SH3GL2: variants seen among roughly 807,000 people sequenced by gnomAD.
The protein encoded by SH3GL2 is endophilin-A1.
In SH3GL2, 24 loss-of-function variants were observed where a neutral mutation model predicts 46.0. That is an observed-to-expected ratio of 0.52 (90% CI 0.38 to 0.73). The LOEUF (loss-of-function observed/expected upper bound fraction) is 0.73, where lower values mean the gene tolerates loss of function less well. Ranked by LOEUF, SH3GL2 falls within the 30% of genes least tolerant of loss-of-function variation. The pLI is 0.00. For missense variants in SH3GL2, 413 were observed against 424.2 expected (o/e 0.97, Z 0.23); for synonymous variants, 196 against 147.1 (o/e 1.33, Z -2.40).
At chr9:17,639,823 A>T (rs1391533162) in intron 1 of SH3GL2, among the ~76,000 whole-genome samples, 1 of 152,262 alleles carries the variant, frequency 6.6e-6, no homozygotes, top group Non-Finnish European at 1.5e-5. Flanking sequence ...ATGAAAAGAC[A>T]TGTTGAATCT....
chr9:17,600,838 A>G (rs1189255329), intron 1 of SH3GL2, among the ~76,000 whole-genome samples: 3 of 152,190 alleles, frequency 2.0e-5, no homozygotes, highest in Admixed American at 2.0e-4. Flanking sequence ...GACAGAGCAG[A>G]GGGGAGAAAG....
At chr9:17,674,563 A>T (rs990093646) in intron 1 of SH3GL2, among the ~76,000 whole-genome samples, 1 of 152,028 alleles carries the variant, frequency 6.6e-6, no homozygotes. Flanking sequence ...TGCCCAAAGC[A>T]ATGAACATGT....
chr9:17,744,452 A>C (rs757091515), intron 1 of SH3GL2, among the ~76,000 whole-genome samples: 2 of 151,792 alleles, frequency 1.3e-5, no homozygotes, highest in African/African-American at 4.8e-5. Context: ...TGTGGCCTCA[A>C]CCTCCTGAGC....
At position 17,754,610 on chromosome 9, in the gene SH3GL2, T is replaced by G. The variant is rs1426441171; in HGVS notation, c.115-6827T>G. ...ATGGCTTGAACCCAGGAGGTGGAGC[T>G]TGCAGTGAGCCGAGATCACGCCACT... On this transcript the variant is annotated intron_variant, in intron 2 of 8. Transcript: ENST00000380607. Among the ~76,000 whole-genome samples, 11 of 152,164 alleles carry G rather than the reference T, an allele frequency of 7.2e-5. No individual in the cohort carries two copies. In the East Asian group the frequency reaches 1.7e-3, roughly 24 times the overall value.
At chr9:17,692,286 T>G (rs2118138462) in intron 1 of SH3GL2, among the ~76,000 whole-genome samples, 1 of 152,050 alleles carries the variant, frequency 6.6e-6, no homozygotes, top group Admixed American at 6.5e-5. Context: ...TTTGCTTTTT[T>G]TTTTTTGCCT....
At position 17,736,178 on chromosome 9, in the gene SH3GL2, G is replaced by A. The variant is rs534927853; in HGVS notation, c.46-10888G>A. On this transcript the variant is annotated intron_variant, in intron 1 of 8. Transcript: ENST00000380607. ...CCAAGATTATAAATGAAATGTGTTT[G>A]TGTGTTTATATGTGTGTGTATGTAT... Among the ~76,000 whole-genome samples, 26 of 152,188 alleles carry A rather than the reference G, an allele frequency of 1.7e-4. No homozygotes were observed. The South Asian group carries it at 5.0e-3, about 29-fold the overall frequency.
At chr9:17,720,809 A>T (rs1236275937) in intron 1 of SH3GL2, among the ~76,000 whole-genome samples, 1 of 152,178 alleles carries the variant, frequency 6.6e-6, no homozygotes, top group East Asian at 1.9e-4. Context: ...ATACCTATCT[A>T]AACTGGTGGT....
intron 1 of SH3GL2, among the ~76,000 whole-genome samples, chr9:17,587,023 A>ATG (rs1818390375): frequency 1.3e-5 from 2 of 152,130 alleles, no homozygotes; most frequent in Non-Finnish European, 2.9e-5. Flanking sequence ...CCAACATGGC[A>ATG]AAACCTCGTC....
intron 3 of SH3GL2, among the ~76,000 whole-genome samples, chr9:17,780,146 A>G (rs907948602): frequency 7.2e-5 from 11 of 152,212 alleles, no homozygotes; most frequent in African/African-American, 2.4e-4. Context: ...ATATTGCTCA[A>G]TGAACTATTA....
At chr9:17,581,566 C>A (rs938814478) in intron 1 of SH3GL2, among the ~76,000 whole-genome samples, 1 of 152,158 alleles carries the variant, frequency 6.6e-6, no homozygotes, top group African/African-American at 2.4e-5. Context: ...ATAGTCCTGT[C>A]CTACTTTTGT....
chr9:17,604,930 G>A (rs913710088), intron 1 of SH3GL2, among the ~76,000 whole-genome samples: 1 of 151,612 alleles, frequency 6.6e-6, no homozygotes, highest in Non-Finnish European at 1.5e-5. Flanking sequence ...GTAGAGCCTG[G>A]TATAGTTTGA....
intron 1 of SH3GL2, among the ~76,000 whole-genome samples, chr9:17,626,342 AG>A: frequency 6.6e-6 from 1 of 152,326 alleles, no homozygotes; most frequent in East Asian, 1.9e-4. Flanking sequence ...TGTGAGGGAC[AG>A]TTGAGCCACT....
chr9:17,654,425 T>C (rs955943704), intron 1 of SH3GL2, among the ~76,000 whole-genome samples: 1 of 152,216 alleles, frequency 6.6e-6, no homozygotes, highest in African/African-American at 2.4e-5. Context: ...GAATTAGCAG[T>C]CATTGAAAAT....
chr9:17,767,373 A>G (rs577520422), intron 3 of SH3GL2, among the ~76,000 whole-genome samples: 2 of 152,334 alleles, frequency 1.3e-5, no homozygotes, highest in South Asian at 2.1e-4. Flanking sequence ...AAGATACTCT[A>G]TTAAAATTAG....
At chr9:17,756,370 C>T (rs1269319200) in intron 2 of SH3GL2, among the ~76,000 whole-genome samples, 1 of 151,618 alleles carries the variant, frequency 6.6e-6, no homozygotes, top group African/African-American at 2.4e-5. Flanking sequence ...TACATGTGCA[C>T]AGCTTGCAGG....
chr9:17,757,892 G>T (rs1267022628), intron 2 of SH3GL2, among the ~76,000 whole-genome samples: 2 of 152,118 alleles, frequency 1.3e-5, no homozygotes, highest in Non-Finnish European at 2.9e-5. Flanking sequence ...GCATAACAAG[G>T]CACATTCAGG....
intron 7 of SH3GL2, 91 bp downstream of exon 7, chr9:17,791,425 C>A: frequency 2.1e-6 from 2 of 937,790 alleles, no homozygotes; most frequent in Non-Finnish European, 3.4e-6. Context: ...CATTTGGAGA[C>A]AAACGTCTGC....
chr9:17,782,225 A>G (rs1278052210), intron 3 of SH3GL2, among the ~76,000 whole-genome samples: 1 of 152,100 alleles, frequency 6.6e-6, no homozygotes, highest in Non-Finnish European at 1.5e-5. Flanking sequence ...AATCTTTTTT[A>G]AACTCCTTGG....
chr9:17,725,140 T>C (rs1280980053), intron 1 of SH3GL2, among the ~76,000 whole-genome samples: 2 of 152,134 alleles, frequency 1.3e-5, no homozygotes, highest in Non-Finnish European at 2.9e-5. Context: ...GTTCAGCAAG[T>C]ATTTGGTCTA....
Sources: allele counts gnomAD v4.1 joint callset (sites outside exome capture counted in the v4.1 genomes callset), GRCh38; gene constraint gnomAD v4.1.1; transcripts MANE v1.5; gene names NCBI Gene and HGNC (gene_info 2026-07-23, HGNC 2026-07-21).